STARD3NL: variants seen among roughly 807,000 people sequenced by gnomAD.
STARD3NL encodes the protein STARD3 N-terminal like.
Under a neutral mutation model 30.9 loss-of-function variants are expected in STARD3NL, and 17 were observed. That is an observed-to-expected ratio of 0.55 (90% CI 0.38 to 0.82). STARD3NL has a LOEUF of 0.82. Among genes scored for constraint, STARD3NL ranks in the 40% least tolerant of loss-of-function variants. STARD3NL has a pLI of 0.00. For synonymous variants in STARD3NL, 112 were observed against 100.5 expected (o/e 1.11, Z -0.69); for missense variants, 234 against 277.6 (o/e 0.84, Z 1.12).
chr7:38,186,146 G>A (rs1391879578), intron 1 of STARD3NL, among the ~76,000 whole-genome samples: 2 of 152,176 alleles, frequency 1.3e-5, no homozygotes, highest in Non-Finnish European at 2.9e-5. Context: ...ATCTCTAAGA[G>A]GAAGTCGTAA....
intron 1 of STARD3NL, among the ~76,000 whole-genome samples, chr7:38,185,694 C>T (rs1784430005): frequency 6.6e-6 from 1 of 152,216 alleles, no homozygotes; most frequent in South Asian, 2.1e-4. Flanking sequence ...CCTAGCTTGT[C>T]TATGAATAGC....
intron 1 of STARD3NL, among the ~76,000 whole-genome samples, chr7:38,205,842 C>G (rs1271648436): frequency 6.6e-6 from 1 of 152,178 alleles, no homozygotes; most frequent in African/African-American, 2.4e-5. Flanking sequence ...ATCACTGTTT[C>G]TTTCCTCTTT....
At chr7:38,187,600 T>G (rs534951049) in intron 1 of STARD3NL, among the ~76,000 whole-genome samples, 1 of 152,308 alleles carries the variant, frequency 6.6e-6, no homozygotes, top group East Asian at 1.9e-4. Flanking sequence ...ACTTCATAAT[T>G]GTTTTCTGTT....
intron 4 of STARD3NL, 63 bp from the exon 5 acceptor site, chr7:38,216,962 A>AG: frequency 6.4e-7 from 1 of 1,572,940 alleles, no homozygotes; most frequent in Non-Finnish European, 8.7e-7. Context: ...TCTTGTGAAG[A>AG]GGGAGGTACC....
intron 1 of STARD3NL, among the ~76,000 whole-genome samples, chr7:38,195,186 C>T (rs1369887330): frequency 6.6e-6 from 1 of 152,000 alleles, no homozygotes; most frequent in Non-Finnish European, 1.5e-5. Context: ...CCTCCTGAGT[C>T]GCTGGGAGTA....
At chr7:38,195,427 G>A (rs1784859318) in intron 1 of STARD3NL, among the ~76,000 whole-genome samples, 2 of 152,266 alleles carry the variant, frequency 1.3e-5, no homozygotes, top group South Asian at 4.1e-4. Flanking sequence ...GTCAGAATTT[G>A]CAGAGCTTAA....
intron 1 of STARD3NL, among the ~76,000 whole-genome samples, chr7:38,188,089 T>A (rs7777136): frequency 0.012 from 1,883 of 152,346 alleles, 50 homozygotes; most frequent in African/African-American, 0.044. Context: ...TTTGCTTCTT[T>A]CAGCAGAGCC....
chr7:38,230,031 CA>C lies in STARD3NL; in HGVS notation c.*127del, dbSNP rs534658215. ...GACGTCCACTGCTGGCTTTATTGAA[CA>C]GCTAATAAAGATTTATTTATTGTAA... On this transcript the variant is annotated 3_prime_UTR_variant, in exon 9 of 9. Coordinates refer to ENST00000009041, the MANE Select transcript of STARD3NL (RefSeq NM_032016.4). The C allele has an allele frequency of 2.4e-3, 363 of 152,726 alleles. 1 individual carries two copies. The highest frequency in any genetic ancestry group is 2.3e-3 in the Non-Finnish European group (156 of 68,034). The allele number at this position is 152,726 out of a possible 1,614,324, so 9.5% of individuals were successfully genotyped here.
In STARD3NL at chr7:38,215,104, C is replaced by T. The variant is rs749369688; in HGVS notation, c.380C>T (p.Ala127Val). 6 of 1,613,882 alleles carry T rather than the reference C, an allele frequency of 3.7e-6. No individual in the cohort carries two copies. Among genetic ancestry groups the T allele is most frequent in the Non-Finnish European group, 5.1e-6 (6 of 1,179,882 alleles). Residue 127 changes from alanine (A) to valine (V), a missense_variant and splice_region_variant, in exon 4 of 9, where the codon GCG becomes GTG. Transcript: ENST00000009041. ...VCRLRHWWAIALTTAVTSAFL... is the reference protein window; with the variant it reads ...VCRLRHWWAIVLTTAVTSAFL... The stretch of plus-strand genomic sequence containing the variant: ...AGACTGCGCCATTGGTGGGCAATAG[C>T]GGTGAGTATGCCCTGCATGAGTGGG...
intron 1 of STARD3NL, among the ~76,000 whole-genome samples, chr7:38,181,159 T>C (rs1784231116): frequency 6.6e-6 from 1 of 152,224 alleles, no homozygotes; most frequent in Non-Finnish European, 1.5e-5. Context: ...AATAGAAAGC[T>C]GTGGTTTAAA....
chr7:38,225,853 CA>C (rs1164193390), intron 7 of STARD3NL, among the ~76,000 whole-genome samples: 1 of 152,180 alleles, frequency 6.6e-6, no homozygotes, highest in East Asian at 1.9e-4. Flanking sequence ...AGCAGGTTGA[CA>C]CGGATGTGTC....
intron 1 of STARD3NL, among the ~76,000 whole-genome samples, chr7:38,198,762 C>T (rs1464198989): frequency 6.6e-6 from 1 of 152,130 alleles, no homozygotes; most frequent in Non-Finnish European, 1.5e-5. Flanking sequence ...CTGTAAAATG[C>T]AAGTAGTGGT....
rs548076929 is a variant in STARD3NL at position 38,191,724 on chromosome 7, A to G, written c.-59+13304A>G. ...GTGTGGGCCTATTTATATACTCTCT[A>G]TTATGTTCTATTGACCTATTTGTTT... is the stretch of plus-strand genomic sequence containing the variant. On this transcript the variant is annotated intron_variant, in intron 1 of 8. Transcript: ENST00000009041. 6.6e-5 allele frequency among the ~76,000 whole-genome samples: 10 copies of G among 152,176 alleles called. No homozygotes were observed. In the South Asian group the frequency reaches 1.7e-3, roughly 25 times the overall value.
chr7:38,207,610 A>G lies in STARD3NL; in HGVS notation c.106A>G (p.Arg36Gly). The change falls in exon 2 of 9, where the codon AGG becomes GGG. Residue 36 changes from arginine (R) to glycine (G), a missense_variant. Physicochemically the swap from Arg to Gly is moderately radical, Grantham distance 125. Coordinates refer to ENST00000009041, the MANE Select transcript of STARD3NL (RefSeq NM_032016.4). Reference sequence around the variant, plus strand: ...CATCAACCCCACACAACTCATGGCCAGGATTGAGTCCTATGAAGGAAGGGA... The same window carrying G: ...CATCAACCCCACACAACTCATGGCCGGGATTGAGTCCTATGAAGGAAGGGA... Reference protein sequence around the residue: ...HSINPTQLMARIESYEGREKK... With the variant: ...HSINPTQLMAGIESYEGREKK... The G allele has an allele frequency of 6.2e-7, 1 of 1,614,092 alleles. No individual in the cohort carries two copies. The highest frequency in any genetic ancestry group is 8.5e-7 in the Non-Finnish European group (1 of 1,179,958).
chr7:38,203,891 C>G (rs997730022), intron 1 of STARD3NL, among the ~76,000 whole-genome samples: 5 of 152,196 alleles, frequency 3.3e-5, no homozygotes, highest in African/African-American at 9.7e-5. Flanking sequence ...AAGGCCATTA[C>G]ATAATGGTAA....
intron 7 of STARD3NL, among the ~76,000 whole-genome samples, chr7:38,225,590 ACCTTTCCCCATTGTACTGATTTGACAC>A (rs1786712246): frequency 2.0e-5 from 1 of 48,836 alleles, no homozygotes; most frequent in Non-Finnish European, 5.3e-5. Flanking sequence ...TGAAAAGACA[ACCTTTCCCCATTGTACTGATTTGACAC>A]GTTTGCTAAA....
intron 7 of STARD3NL, among the ~76,000 whole-genome samples, chr7:38,223,796 A>G (rs1003749406): frequency 3.9e-5 from 6 of 152,218 alleles, no homozygotes; most frequent in Non-Finnish European, 7.3e-5. Flanking sequence ...TTGACTTTTT[A>G]AAAAAGCTTG....
At chr7:38,197,625 C>T (rs934589887) in intron 1 of STARD3NL, among the ~76,000 whole-genome samples, 3 of 152,104 alleles carry the variant, frequency 2.0e-5, no homozygotes, top group Non-Finnish European at 4.4e-5. Flanking sequence ...GTTTGAATTA[C>T]TGGTTGAATT....
chr7:38,195,187 G>T (rs756214708), intron 1 of STARD3NL, among the ~76,000 whole-genome samples: 3 of 152,060 alleles, frequency 2.0e-5, no homozygotes, highest in South Asian at 2.1e-4. Context: ...CTCCTGAGTC[G>T]CTGGGAGTAC....
Sources: gnomAD v4.1 joint callset for allele counts (sites outside exome capture counted in the v4.1 genomes callset) on GRCh38, gnomAD v4.1.1 for gene constraint, MANE v1.5 for transcripts, NCBI Gene and HGNC (gene_info 2026-07-23, HGNC 2026-07-21) for gene names.